TP53I13: variants seen among roughly 807,000 people sequenced by gnomAD.
TP53I13 encodes tumor protein p53-inducible protein 13.
TP53I13 carries 27 observed loss-of-function variants against 39.1 expected under a neutral mutation model. The ratio of observed to expected loss-of-function variants is 0.69; its 90% CI spans 0.51 to 0.95. The LOEUF (loss-of-function observed/expected upper bound fraction) is 0.95. Ranked by LOEUF, TP53I13 falls within the 40% of genes least tolerant of loss-of-function variation. The pLI is 0.00. For missense variants in TP53I13, 544 were observed against 520.4 expected (o/e 1.05, Z -0.44); for synonymous variants, 230 against 224.6 (o/e 1.02, Z -0.22).
At chr17:29,573,820 C>T (rs2150815670), downstream of TP53I13, 1 of 152,480 alleles carries the variant, frequency 6.6e-6, no homozygotes, top group Admixed American at 6.5e-5. Flanking sequence ...ATTCCCCCTC[C>T]ACGCAGGAGC....
Position 29,569,346 on chromosome 17 carries a change from T to G in TP53I13, c.170T>G (p.Val57Gly). 6.2e-7 allele frequency: 1 copy of G among 1,613,790 alleles called. No individual in the cohort carries two copies. Among genetic ancestry groups the G allele is most frequent in the Non-Finnish European group, 8.5e-7 (1 of 1,179,908 alleles). ...QVSPRVTYTR[V>G]SPGQAEDVTF... ...TCACCAAGAGTGACCTACACACGAGTGAGCCCAGGGCAGGTGAGTACAAGC... is the reference window on the plus strand; with the variant it reads ...TCACCAAGAGTGACCTACACACGAGGGAGCCCAGGGCAGGTGAGTACAAGC... Residue 57 changes from valine (V) to glycine (G), a missense_variant, in exon 3 of 7, where the codon GTG (valine) becomes GGG (glycine). By Grantham distance (109) the Val-to-Gly change is moderately radical. Transcript: ENST00000301057.
At chr17:29,581,174 C>A in the TP53I13 span, 2 of 644,554 alleles carry the variant, frequency 3.1e-6, no homozygotes, top group South Asian at 3.4e-5. This position sits in a 1 kb window ranked among gnomAD's most constrained non-coding sequence, Gnocchi z 4.8. Context: ...TTTTTACCTG[C>A]CTTGGGGCCC....
At chr17:29,576,850 G>A, downstream of TP53I13, 1 of 1,576,968 alleles carries the variant, frequency 6.3e-7, no homozygotes, top group South Asian at 1.1e-5. Context: ...GGGAAGGAGG[G>A]TGGGACTCAG....
the TP53I13 span, chr17:29,581,807 C>T: frequency 6.2e-7 from 1 of 1,612,768 alleles, no homozygotes; most frequent in Non-Finnish European, 8.5e-7. The surrounding 1 kb of genome is among the most constrained non-coding windows in gnomAD (Gnocchi z 4.8). Flanking sequence ...CTCAACCAGC[C>T]TTTCCGCCAG....
downstream of TP53I13, chr17:29,577,765 G>A (rs751371178): frequency 4.8e-5 from 71 of 1,469,532 alleles, no homozygotes; most frequent in Admixed American, 1.7e-5. Context: ...GACAGGAGCA[G>A]ATCAGCCACG....
At chr17:29,577,566 G>A (rs1013412970), downstream of TP53I13, 28 of 943,476 alleles carry the variant, frequency 3.0e-5, no homozygotes, top group Admixed American at 8.6e-5. Context: ...AGCTGGCTCA[G>A]GCCCCAGCCC....
chr17:29,571,734 A>C lies in TP53I13; in HGVS notation c.312+15A>C, dbSNP rs780676306. 5 of 1,614,056 alleles carry C rather than the reference A, an allele frequency of 3.1e-6. No homozygotes were observed. The highest frequency in any genetic ancestry group is 4.2e-6 in the Non-Finnish European group (5 of 1,180,024). On this transcript the variant is annotated intron_variant, in intron 4 of 6. Coordinates refer to ENST00000301057, the MANE Select transcript of TP53I13 (RefSeq NM_138349.4). ...CGCAGGATCGGGTATGTAGCTGATG[A>C]AAGGCGCTTGCCTGGCCCTGGCAGA...
downstream of TP53I13, chr17:29,575,233 C>T: frequency 6.4e-7 from 1 of 1,569,040 alleles, no homozygotes; most frequent in Non-Finnish European, 8.7e-7. This position sits in a 1 kb window ranked among gnomAD's most constrained non-coding sequence, Gnocchi z 5.5. Context: ...CTCTCTGCAA[C>T]ACCCTAGAAG....
the TP53I13 span, chr17:29,579,112 G>C: frequency 2.3e-5 from 19 of 814,140 alleles, no homozygotes; most frequent in East Asian, 7.4e-5. Context: ...CGGCCCAGAA[G>C]GGACAAAGCT....
At chr17:29,574,121 GAAGA>G (rs918019437), downstream of TP53I13, 32 of 151,270 alleles carry the variant, frequency 2.1e-4, no homozygotes, top group African/African-American at 6.8e-4. Context: ...GGGTGGGGAA[GAAGA>G]AAGAAAAAAA....
downstream of TP53I13, chr17:29,576,111 G>C (rs771817258): frequency 6.8e-6 from 11 of 1,613,802 alleles, no homozygotes; most frequent in Admixed American, 1.8e-4. Flanking sequence ...GCACTGAATA[G>C]ATGGCGTCGT....
rs756512585 is a variant in TP53I13 at position 29,572,502 on chromosome 17, C to G, written c.874C>G (p.Arg292Gly). The change falls in exon 6 of 7, where the codon CGC becomes GGC. Residue 292 changes from arginine to glycine, a missense_variant. Arg to Gly is a moderately radical substitution (Grantham distance 125). Transcript: ENST00000301057. ...TTCAAGTCAGGCTTCCCCGGCCCCT[C>G]GCGCAGCAGCGCCTCCACGGGCAGC... ...VCSSQASPAP[R>G]AAAPPRAARG... The G allele has an allele frequency of 6.2e-7, 1 of 1,604,266 alleles. No individual in the cohort carries two copies. The highest frequency in any genetic ancestry group is 8.5e-7 in the Non-Finnish European group (1 of 1,175,646).
chr17:29,575,543 C>G, downstream of TP53I13: 1 of 1,557,950 alleles, frequency 6.4e-7, no homozygotes, highest in South Asian at 1.1e-5. This position sits in a 1 kb window ranked among gnomAD's most constrained non-coding sequence, Gnocchi z 5.5. Context: ...CGGAGCCGCC[C>G]GCCTTGGTCC....
Position 29,572,800 on chromosome 17 carries a change from C to T in TP53I13, c.1070-12C>T, listed in dbSNP as rs2033010513. ...CCCTCCCGCCCTTGACTGCTCGGCG[C>T]CCGGCCCACAGCTGTGCTGAAGCGG... On this transcript the variant is annotated splice_polypyrimidine_tract_variant and intron_variant, in intron 6 of 6. Coordinates refer to ENST00000301057, the MANE Select transcript of TP53I13 (RefSeq NM_138349.4). 1 of 1,533,810 alleles carries T rather than the reference C, an allele frequency of 6.5e-7. No homozygotes were observed. The highest frequency in any genetic ancestry group is 8.7e-7 in the Non-Finnish European group (1 of 1,143,358).
chr17:29,579,652 G>A, the TP53I13 span, among the ~76,000 whole-genome samples: 4 of 151,908 alleles, frequency 2.6e-5, no homozygotes, highest in South Asian at 2.1e-4. Context: ...TAGGAGGATC[G>A]TTTGAGGCTG....
upstream of TP53I13, chr17:29,567,960 C>G (rs1214251521): frequency 6.6e-6 from 1 of 152,082 alleles, no homozygotes; most frequent in Admixed American, 6.5e-5. This position sits in a 1 kb window ranked among gnomAD's most constrained non-coding sequence, Gnocchi z 6.6. Flanking sequence ...CGGGGCGGGC[C>G]GGCCAGCGCA....
chr17:29,575,146 CG>C (rs1567767778), downstream of TP53I13: 3 of 1,594,676 alleles, frequency 1.9e-6, no homozygotes, highest in Middle Eastern at 3.3e-4. This position sits in a 1 kb window ranked among gnomAD's most constrained non-coding sequence, Gnocchi z 5.5. Context: ...CACGAAGCTG[CG>C]GGGAGAAGGG....
chr17:29,579,777 T>C, the TP53I13 span, among the ~76,000 whole-genome samples: 2 of 151,476 alleles, frequency 1.3e-5, no homozygotes, highest in African/African-American at 2.4e-5. Flanking sequence ...AATCCTCTCC[T>C]CCCTGAAAAA....
At position 29,571,667 on chromosome 17, in the gene TP53I13, C is replaced by A. The variant is rs2032928220; in HGVS notation, c.260C>A (p.Ala87Asp). The A allele has an allele frequency of 6.2e-7, 1 of 1,614,068 alleles. No individual in the cohort carries two copies. The highest frequency in any genetic ancestry group is 8.5e-7 in the Non-Finnish European group (1 of 1,180,040). The change falls in exon 4 of 7, where the codon GCT becomes GAT. Residue 87 changes from alanine (A) to aspartate (D), a missense_variant. Physicochemically the swap from Ala to Asp is moderately radical, Grantham distance 126. Coordinates refer to ENST00000301057, the MANE Select transcript of TP53I13 (RefSeq NM_138349.4). The stretch of plus-strand genomic sequence containing the variant: ...CTCCAGCTTGCCCTCCTGGCCTATG[C>A]TTGTATGGCTAACCCTTCCCTCACC... Reference protein sequence around the residue: ...LKLQLALLAYACMANPSLTPD... With the variant: ...LKLQLALLAYDCMANPSLTPD...
Sources: allele counts gnomAD v4.1 joint callset (sites outside exome capture counted in the v4.1 genomes callset), GRCh38; gene constraint gnomAD v4.1.1; non-coding constraint Gnocchi (gnomAD v3.1); transcripts MANE v1.5; gene names NCBI Gene and HGNC (gene_info 2026-07-23, HGNC 2026-07-21).